The following RABEP2 variants were observed in gnomAD, a reference collection of about 807,000 sequenced individuals.
RABEP2 encodes the protein rabaptin, RAB GTPase binding effector protein 2.
A neutral mutation model predicts 74.1 loss-of-function variants in RABEP2; 57 were observed. The observed-to-expected ratio is 0.77, with a 90% CI of 0.62 to 0.96. RABEP2 has a LOEUF of 0.96. Ranked by LOEUF, RABEP2 falls within the 40% of genes least tolerant of loss-of-function variation. The pLI is 0.00. For synonymous variants in RABEP2, 351 were observed against 344.0 expected (o/e 1.02, Z -0.23); for missense variants, 692 against 756.3 (o/e 0.91, Z 1.00).
chr16:28,925,023 A>G, intron 1 of RABEP2, 80 bp downstream of exon 1: 1 of 1,002,198 alleles, frequency 1.0e-6, no homozygotes, highest in Non-Finnish European at 1.3e-6. Context: ...ATCCCTCTCC[A>G]CCCCCCATCC....
At chr16:28,907,874 A>C (rs1389085868) in intron 8 of RABEP2, among the ~76,000 whole-genome samples, 1 of 152,154 alleles carries the variant, frequency 6.6e-6, no homozygotes, top group African/African-American at 2.4e-5. Flanking sequence ...ATTTCGGCTC[A>C]CTGCAACCTC....
chr16:28,913,183 G>A (rs1409708150), intron 5 of RABEP2, among the ~76,000 whole-genome samples: 1 of 151,962 alleles, frequency 6.6e-6, no homozygotes, highest in Admixed American at 6.6e-5. Flanking sequence ...GCCCATCTCG[G>A]CCTCCCAAAG....
At chr16:28,909,649 G>A (rs1040176202) in intron 7 of RABEP2, among the ~76,000 whole-genome samples, 2 of 152,010 alleles carry the variant, frequency 1.3e-5, no homozygotes, top group African/African-American at 4.8e-5. Flanking sequence ...AGAAAGTTGA[G>A]GCTTCAGTGA....
In RABEP2 at chr16:28,905,390, G is replaced by GCCATAC; in HGVS notation, c.1608+1_1608+6dup. 1 of 1,597,876 alleles carries GCCATAC rather than the reference G, an allele frequency of 6.3e-7. No homozygotes were observed. The highest frequency in any genetic ancestry group is 8.5e-7 in the Non-Finnish European group (1 of 1,170,690). On this transcript the variant is annotated splice_region_variant and intron_variant, in intron 12 of 12. Transcript: ENST00000358201. ...AGCCAGCCTGGCGGGGCTGGGACAG[G>GCCATAC]CCATACCTGCAGGGCCTGGGACAGT... is the stretch of plus-strand genomic sequence containing the variant.
rs778442859 is a variant in RABEP2 at position 28,914,722 on chromosome 16, C to T, written c.493G>A (p.Glu165Lys). The change falls in exon 4 of 13, where the codon GAG (glutamate) becomes AAG (lysine). Residue 165 changes from glutamate to lysine, a missense_variant. Coordinates refer to ENST00000358201, the MANE Select transcript of RABEP2 (RefSeq NM_024816.3). ...GCCCTCAGCAGCTTCGCCTTCAGCTCCTCGATCTCCTTTTCCATGGGCAGT... is the reference window on the plus strand; with the variant it reads ...GCCCTCAGCAGCTTCGCCTTCAGCTTCTCGATCTCCTTTTCCATGGGCAGT... ...IVLPMEKEIE[E>K]LKAKLLRAEE... 1 of 1,614,214 alleles carries T rather than the reference C, an allele frequency of 6.2e-7. No individual in the cohort carries two copies. The highest frequency in any genetic ancestry group is 1.7e-5 in the Admixed American group (1 of 60,024).
intron 2 of RABEP2, among the ~76,000 whole-genome samples, chr16:28,922,431 A>G (rs1964478867): frequency 6.6e-6 from 1 of 151,544 alleles, no homozygotes; most frequent in Non-Finnish European, 1.5e-5. Flanking sequence ...CTAAAAATAC[A>G]AAAAATGGGG....
At position 28,918,468 on chromosome 16, in the gene RABEP2, A is replaced by T. The variant is rs192440782; in HGVS notation, c.432+1318T>A. Among the ~76,000 whole-genome samples the T allele has an allele frequency of 1.5e-4, 23 of 152,070 alleles. No individual in the cohort carries two copies. The East Asian group carries it at 4.5e-3, about 30-fold the overall frequency. On this transcript the variant is annotated intron_variant, in intron 3 of 12. Coordinates refer to ENST00000358201, the MANE Select transcript of RABEP2 (RefSeq NM_024816.3). Reference sequence around the variant, plus strand: ...TCGCTACTAAAACTACAAAAAAATTAGCTGGGCATGGTGGCAGGTGCCTGT... The same window carrying T: ...TCGCTACTAAAACTACAAAAAAATTTGCTGGGCATGGTGGCAGGTGCCTGT...
In RABEP2 at chr16:28,914,528, C is replaced by A; in HGVS notation, c.602G>T (p.Arg201Leu). Residue 201 changes from arginine (R) to leucine (L), a missense_variant, in exon 5 of 13, where the codon CGG becomes CTG. By Grantham distance (102) the Arg-to-Leu change is moderately radical. Coordinates refer to ENST00000358201, the MANE Select transcript of RABEP2 (RefSeq NM_024816.3). ...AGGCTCCAGCGGGGGCGATGGATCC[C>A]GGGACAGGGGCAGCAACTCCGTGGA... The part of the protein sequence containing the change: ...HGSTELLPLS[R>L]DPSPPLEPLE... 6.2e-7 allele frequency: 1 copy of A among 1,612,514 alleles called. No individual in the cohort carries two copies. Among genetic ancestry groups the A allele is most frequent in the Non-Finnish European group, 8.5e-7 (1 of 1,179,322 alleles).
intron 2 of RABEP2, among the ~76,000 whole-genome samples, chr16:28,923,331 A>G (rs1166628952): frequency 1.3e-5 from 2 of 151,780 alleles, no homozygotes; most frequent in Non-Finnish European, 1.5e-5. Context: ...GATCTGCTTG[A>G]GCCCAGGAGG....
intron 1 of RABEP2, 110 bp from the exon 2 acceptor site, chr16:28,924,725 C>T (rs1235592468): frequency 2.9e-6 from 3 of 1,027,566 alleles, no homozygotes; most frequent in Non-Finnish European, 4.4e-6. Flanking sequence ...GCCTCCTTCA[C>T]CTGGGCCCGC....
chr16:28,905,630 G>T, intron 11 of RABEP2, 74 bp downstream of exon 11: 1 of 1,559,762 alleles, frequency 6.4e-7, no homozygotes, highest in Non-Finnish European at 8.7e-7. Context: ...AGACACAGAG[G>T]GCGGGAGGGG....
At chr16:28,921,761 T>C (rs1298108297) in intron 2 of RABEP2, among the ~76,000 whole-genome samples, 1 of 149,602 alleles carries the variant, frequency 6.7e-6, no homozygotes, top group Non-Finnish European at 1.5e-5. Flanking sequence ...GGTCAGGAGT[T>C]CGAGACCAGC....
chr16:28,905,829 G>A lies in RABEP2; in HGVS notation c.1435+38C>T, dbSNP rs1173740770. 3.1e-6 allele frequency: 5 copies of A among 1,613,970 alleles called. No individual in the cohort carries two copies. The South Asian group carries it at 4.4e-5, about 14-fold the overall frequency. On this transcript the variant is annotated intron_variant, in intron 10 of 12. Coordinates refer to ENST00000358201, the MANE Select transcript of RABEP2 (RefSeq NM_024816.3). ...CCTTTCCCCACCTAGCCCAGCCAGG[G>A]TGGGCGATCCCCAAGATCACCTCCA...
At position 28,904,835 on chromosome 16, in the gene RABEP2, G is replaced by A; in HGVS notation, c.*108C>T. ...GCCCCCGTCAGTCCCCTCAACCCCA[G>A]TCTCAGGGACGGTGGAAAAGCCATC... On this transcript the variant is annotated 3_prime_UTR_variant, in exon 13 of 13. Transcript: ENST00000358201. The A allele has an allele frequency of 2.3e-6, 2 of 869,988 alleles. No homozygotes were observed. Among genetic ancestry groups the A allele is most frequent in the South Asian group, 1.7e-5 (1 of 60,046 alleles). 53.9% of individuals were successfully genotyped at this position (869,988 alleles called of 1,614,324 possible).
chr16:28,910,629 TA>T, intron 7 of RABEP2: 1 of 429,674 alleles, frequency 2.3e-6, no homozygotes, highest in African/African-American at 2.0e-5. Flanking sequence ...ATGTCAGTTT[TA>T]TAGATGGTGA....
At chr16:28,908,079 C>T (rs540381120) in intron 8 of RABEP2, among the ~76,000 whole-genome samples, 2 of 152,154 alleles carry the variant, frequency 1.3e-5, no homozygotes, top group Middle Eastern at 3.4e-3. Context: ...GGATTACAGG[C>T]GTGAGCCACC....
intron 5 of RABEP2, 60 bp from the exon 6 acceptor site, chr16:28,911,239 T>A: frequency 6.6e-7 from 1 of 1,510,276 alleles, no homozygotes; most frequent in Admixed American, 1.8e-5. Context: ...CTCACCACAC[T>A]TCTCGTGGCC....
chr16:28,918,240 T>C (rs1022456444), intron 3 of RABEP2, among the ~76,000 whole-genome samples: 6 of 151,804 alleles, frequency 4.0e-5, no homozygotes, highest in Non-Finnish European at 7.4e-5. Context: ...CCACCGCGCC[T>C]GGCTAATTTT....
In RABEP2 at chr16:28,914,222, C is replaced by A. The variant is rs1177327299; in HGVS notation, c.894+14G>T. The A allele has an allele frequency of 6.4e-7, 1 of 1,571,402 alleles. No homozygotes were observed. The highest frequency in any genetic ancestry group is 8.6e-7 in the Non-Finnish European group (1 of 1,158,542). On this transcript the variant is annotated intron_variant, in intron 5 of 12. Coordinates refer to ENST00000358201, the MANE Select transcript of RABEP2 (RefSeq NM_024816.3). ...GGGGATGGTACACCCCGCCACCCTG[C>A]CCACAACACTCACCTCTGTCTGCAG...
Sources: gnomAD v4.1 joint callset for allele counts (sites outside exome capture counted in the v4.1 genomes callset) on GRCh38, gnomAD v4.1.1 for gene constraint, MANE v1.5 for transcripts, NCBI Gene and HGNC (gene_info 2026-07-23, HGNC 2026-07-21) for gene names.